The following MEF2C variants were observed in gnomAD, a reference collection of about 807,000 sequenced individuals.
MEF2C encodes the protein myocyte enhancer factor 2C.
MEF2C carries 6 observed loss-of-function variants against 50.5 expected under a neutral mutation model. The observed-to-expected ratio is 0.12, with a 90% CI of 0.07 to 0.23. The LOEUF (loss-of-function observed/expected upper bound fraction) is 0.23. Ranked by LOEUF, MEF2C falls within the 10% of genes least tolerant of loss-of-function variation. The pLI, the probability that MEF2C is intolerant of heterozygous loss-of-function variation, is 1.00. For missense variants in MEF2C, 276 were observed against 605.0 expected, an observed-to-expected ratio of 0.46 and a Z score of 5.70; for synonymous variants, 183 against 228.0, an observed-to-expected ratio of 0.80 and a Z score of 1.78.
chr5:88,764,310 T>A (rs1580306219), intron 3 of MEF2C, among the ~76,000 whole-genome samples: 1 of 152,342 alleles, frequency 6.6e-6, no homozygotes, highest in East Asian at 1.9e-4. Flanking sequence ...ATGAAGAGAT[T>A]AGGTAAACCT....
intron 1 of MEF2C, among the ~76,000 whole-genome samples, chr5:88,902,390 A>C (rs1835758825): frequency 6.6e-6 from 1 of 151,896 alleles, no homozygotes; most frequent in Non-Finnish European, 1.5e-5. Context: ...TTATAATAAA[A>C]AGTATATTTG....
chr5:88,734,214 C>T (rs1762892202), intron 6 of MEF2C: 1 of 985,296 alleles, frequency 1.0e-6, no homozygotes, highest in Non-Finnish European at 1.2e-6. Flanking sequence ...GTCAATTCTG[C>T]TCTATACTTT....
rs182764015 is a variant in MEF2C, at chr5:88,901,869, T to C, written c.-240+2047A>G. Among the ~76,000 whole-genome samples the C allele has an allele frequency of 8.5e-5, 13 of 152,064 alleles. No individual in the cohort carries two copies. In the East Asian group the frequency reaches 2.3e-3, roughly 27 times the overall value. On this transcript the variant is annotated intron_variant, in intron 1 of 11. Transcript: ENST00000340208. ...TTCAGGCACAGCTAAAATGATAAAT[T>C]TTAGTTATTTTGAAATATTTGAGCT...
chr5:88,896,655 A>G (rs1042324313), intron 1 of MEF2C, among the ~76,000 whole-genome samples: 3 of 152,330 alleles, frequency 2.0e-5, no homozygotes, highest in East Asian at 1.9e-4. Context: ...GCAATTTTAT[A>G]TTAAAAATCA....
At chr5:88,757,906 A>AC (rs1466254221) in intron 4 of MEF2C, among the ~76,000 whole-genome samples, 1 of 151,962 alleles carries the variant, frequency 6.6e-6, no homozygotes, top group Non-Finnish European at 1.5e-5. Flanking sequence ...ACGGGGTGAG[A>AC]CCCCGTCTCA....
At chr5:88,850,479 A>C (rs1393019716) in intron 1 of MEF2C, among the ~76,000 whole-genome samples, 1 of 152,160 alleles carries the variant, frequency 6.6e-6, no homozygotes, top group Non-Finnish European at 1.5e-5. Flanking sequence ...ATTTTAATGA[A>C]AAATAATGGC....
intron 1 of MEF2C, among the ~76,000 whole-genome samples, chr5:88,894,876 G>A (rs930715249): frequency 1.1e-4 from 17 of 152,228 alleles, no homozygotes; most frequent in Admixed American, 6.5e-5. Context: ...AATGGGCAGC[G>A]GAGGGTAACT....
At position 88,804,751 on chromosome 5, in the gene MEF2C, C is replaced by T. The variant is rs560463589; in HGVS notation, c.105G>A (p.Leu35=). The change falls in exon 3 of 11, where the codon CTG becomes CTA. Residue 35 remains leucine (L), a synonymous_variant. Coordinates refer to ENST00000504921, the MANE Select transcript of MEF2C (RefSeq NM_002397.5). ...KFGLMKKAYE[L]SVLCDCEIAL... is the part of the protein sequence containing the mutation. The stretch of plus-strand genomic sequence containing the variant: ...CAATCTCACAGTCACACAGCACGCT[C>T]AGCTCATAAGCCTTCTTCATCAACC... 6.2e-7 allele frequency: 1 copy of T among 1,614,192 alleles called. No individual in the cohort carries two copies. The highest frequency in any genetic ancestry group is 1.3e-5 in the African/African-American group (1 of 75,052).
chr5:88,748,810 T>C, intron 6 of MEF2C: 1 of 985,452 alleles, frequency 1.0e-6, no homozygotes, highest in Non-Finnish European at 1.2e-6. Context: ...AGGATTAAGT[T>C]GATTGGATCA....
chr5:88,868,077 CT>C (rs1259345140), intron 1 of MEF2C, among the ~76,000 whole-genome samples: 11 of 152,152 alleles, frequency 7.2e-5, no homozygotes, highest in African/African-American at 2.7e-4. Context: ...GTGGTACCCC[CT>C]GTGTTGGAAA....
chr5:88,734,031 A>T (rs1762786605), intron 6 of MEF2C: 2 of 985,320 alleles, frequency 2.0e-6, no homozygotes, highest in Non-Finnish European at 2.4e-6. Flanking sequence ...CACTAGAAGA[A>T]AAAAACAAAC....
intron 6 of MEF2C, chr5:88,735,440 G>A (rs1263437277): frequency 1.0e-6 from 1 of 985,048 alleles, no homozygotes; most frequent in Non-Finnish European, 1.2e-6. Flanking sequence ...ACCACTTAAA[G>A]GCACAAAAAT....
At chr5:88,861,831 T>C (rs1451407546) in intron 1 of MEF2C, among the ~76,000 whole-genome samples, 1 of 152,228 alleles carries the variant, frequency 6.6e-6, no homozygotes, top group East Asian at 1.9e-4. Flanking sequence ...GTATACTTAA[T>C]TTACTCAAGG....
chr5:88,867,787 C>A (rs1486026190), intron 1 of MEF2C, among the ~76,000 whole-genome samples: 1 of 152,106 alleles, frequency 6.6e-6, no homozygotes, highest in African/African-American at 2.4e-5. Context: ...AACCACCAAG[C>A]CAGCAAGAAT....
intron 1 of MEF2C, among the ~76,000 whole-genome samples, chr5:88,898,759 T>C (rs1402308491): frequency 6.6e-6 from 1 of 152,174 alleles, no homozygotes; most frequent in African/African-American, 2.4e-5. Context: ...ATAGCAATAA[T>C]AAATGATTAT....
At chr5:88,856,015 A>G (rs1823195937) in intron 1 of MEF2C, among the ~76,000 whole-genome samples, 1 of 152,202 alleles carries the variant, frequency 6.6e-6, no homozygotes, top group South Asian at 2.1e-4. Context: ...AAAATCTGAA[A>G]CTTCCTAGAG....
At chr5:88,750,025 G>A (rs779340297) in intron 5 of MEF2C, 53 of 309,750 alleles carry the variant, frequency 1.7e-4, no homozygotes, top group African/African-American at 3.0e-4. Flanking sequence ...GCGAGACTCC[G>A]TCTCAAAAAA....
At chr5:88,750,962 A>G in intron 5 of MEF2C, 2 of 437,370 alleles carry the variant, frequency 4.6e-6, no homozygotes, top group Non-Finnish European at 6.1e-6. Flanking sequence ...ATGCAAATAT[A>G]TAATGGTTTG....
chr5:88,817,027 A>C (rs1435041639), intron 2 of MEF2C, among the ~76,000 whole-genome samples: 1 of 151,656 alleles, frequency 6.6e-6, no homozygotes, highest in Non-Finnish European at 1.5e-5. Flanking sequence ...CTGTTTGTGG[A>C]GGTGGCCAAA....
Sources: allele counts gnomAD v4.1 joint callset (sites outside exome capture counted in the v4.1 genomes callset), GRCh38; gene constraint gnomAD v4.1.1; transcripts MANE v1.5; gene names NCBI Gene and HGNC (gene_info 2026-07-23, HGNC 2026-07-21).